Variants in NPHS1 observed in about 807,000 individuals in gnomAD.
NPHS1 encodes the protein nephrin.
NPHS1 carries 107 observed loss-of-function variants against 139.7 expected under a neutral mutation model. The ratio of observed to expected loss-of-function variants is 0.77; its 90% CI spans 0.66 to 0.90. The LOEUF is 0.90. NPHS1 is among the 40% of genes least tolerant of loss of function. The probability of loss-of-function intolerance (pLI) is 0.00; values close to 1 mark genes in which losing one functional copy is unlikely to be tolerated. For synonymous variants in NPHS1, 707 were observed against 706.6 expected (o/e 1.00, Z -0.01); for missense variants, 1,580 against 1,654.2 (o/e 0.96, Z 0.78).
In NPHS1 at chr19:35,845,420, G is replaced by T; in HGVS notation, c.1878C>A (p.His626Gln). 1 of 1,614,260 alleles carries T rather than the reference G, an allele frequency of 6.2e-7. No individual in the cohort carries two copies. Among genetic ancestry groups the T allele is most frequent in the Non-Finnish European group, 8.5e-7 (1 of 1,180,054 alleles). The change falls in exon 14 of 29, where the codon CAC becomes CAA. Residue 626 changes from histidine to glutamine, a missense_variant. His to Gln is a conservative substitution (Grantham distance 24). Coordinates refer to ENST00000378910, the MANE Select transcript of NPHS1 (RefSeq NM_004646.4). This position sits in a 1 kb window ranked among gnomAD's most constrained non-coding sequence, Gnocchi z 5.5. ...DHGQRVTCRA[H>Q]SAELRETVSS... ...TCACGGTTTCGCGGAGCTCGGCGCT[G>T]TGGGCGCGGCAGGTCACGCGCTGGC...
chr19:35,844,267 C>A, intron 15 of NPHS1, 24 bp from the exon 16 acceptor site: 1 of 1,613,804 alleles, frequency 6.2e-7, no homozygotes, highest in Non-Finnish European at 8.5e-7. Flanking sequence ...GAATAAGGGA[C>A]CTGGCAGGAC....
intron 11 of NPHS1, among the ~76,000 whole-genome samples, chr19:35,846,676 TC>T (rs1973148030): frequency 2.6e-5 from 4 of 152,208 alleles, no homozygotes; most frequent in African/African-American, 7.2e-5. Flanking sequence ...ATAGATTACT[TC>T]CTTTTTTTAT....
At chr19:35,839,466 C>G in intron 21 of NPHS1, 30 bp downstream of exon 21, 1 of 1,613,622 alleles carries the variant, frequency 6.2e-7, no homozygotes, top group South Asian at 1.1e-5. Context: ...CTAGCCCATT[C>G]CCTTCCCTCC....
chr19:35,840,066 G>A (rs1053965044), intron 20 of NPHS1, among the ~76,000 whole-genome samples: 3 of 150,334 alleles, frequency 2.0e-5, no homozygotes, highest in African/African-American at 4.9e-5. Flanking sequence ...GTGTAGTGGT[G>A]CAATCTTGGC....
rs1294423014 is a variant in NPHS1, at chr19:35,839,407, A to C, written c.2939T>G (p.Leu980Arg). ...CACATAGTGGAACCCTGGAGTCCCCAGGGCCTCATACCTGCAGGACAGGGG... is the reference window on the plus strand; with the variant it reads ...CACATAGTGGAACCCTGGAGTCCCCCGGGCCTCATACCTGCAGGACAGGGG... ...PQRFCIRYEA[L>R]GTPGFHYVDV... Residue 980 changes from leucine (L) to arginine (R), a missense_variant, in exon 22 of 29, where the codon CTG becomes CGG. Transcript: ENST00000378910. 1 of 1,614,148 alleles carries C rather than the reference A, an allele frequency of 6.2e-7. No individual in the cohort carries two copies. Among genetic ancestry groups the C allele is most frequent in the Non-Finnish European group, 8.5e-7 (1 of 1,179,986 alleles).
Position 35,845,251 on chromosome 19 carries a change from CA to C in NPHS1, c.1930+116del. ...CGTCACTGCATTGCAGCCTGAGCGA[CA>C]AAAAATGAAAGAGAGAGAGAGAGAG... On this transcript the variant is annotated intron_variant, in intron 14 of 28. Transcript: ENST00000378910. This position sits in a 1 kb window ranked among gnomAD's most constrained non-coding sequence, Gnocchi z 5.5. 1 of 1,245,188 alleles carries C rather than the reference CA, an allele frequency of 8.0e-7. No individual in the cohort carries two copies. The highest frequency in any genetic ancestry group is 1.2e-6 in the Non-Finnish European group (1 of 868,522). 77.1% of individuals were successfully genotyped at this position (1,245,188 alleles called of 1,614,324 possible).
In NPHS1 at chr19:35,851,877, C is replaced by T. The variant is rs773411081; in HGVS notation, c.-40G>A. On this transcript the variant is annotated 5_prime_UTR_variant, in exon 1 of 29. Coordinates refer to ENST00000378910, the MANE Select transcript of NPHS1 (RefSeq NM_004646.4). ...CTGTGACCCCCACAGCGCCCGCTGCCAGCCACCTGCGTCTGTCTGGCTTTC... is the reference window on the plus strand; with the variant it reads ...CTGTGACCCCCACAGCGCCCGCTGCTAGCCACCTGCGTCTGTCTGGCTTTC... 27 of 1,534,088 alleles carry T rather than the reference C, an allele frequency of 1.8e-5. No individual in the cohort carries two copies. Among genetic ancestry groups the T allele is most frequent in the Non-Finnish European group, 1.8e-6 (2 of 1,132,646 alleles).
Position 35,841,802 on chromosome 19 carries a change from A to G in NPHS1, c.2728T>C (p.Ser910Pro), listed in dbSNP as rs143649022. The G allele has an allele frequency of 4.3e-6, 7 of 1,614,038 alleles. No homozygotes were observed. In the African/African-American group the frequency reaches 8.0e-5, roughly 18 times the overall value. ...HSSLLTIANV[S>P]AAQDYALFTC... is the part of the protein sequence containing the mutation. ...AAGAGGGCGTAATCCTGGGCGGCAG[A>G]CACGTTGGCAATGGTCAGGAGGCTG... The change falls in exon 20 of 29, where the codon TCT (serine) becomes CCT (proline). Residue 910 changes from serine (S) to proline (P), a missense_variant. Physicochemically the swap from Ser to Pro is moderately conservative, Grantham distance 74. Coordinates refer to ENST00000378910, the MANE Select transcript of NPHS1 (RefSeq NM_004646.4).
At position 35,848,171 on chromosome 19, in the gene NPHS1, G is replaced by A. The variant is rs756437220; in HGVS notation, c.1316-6C>T. 56 of 1,613,914 alleles carry A rather than the reference G, an allele frequency of 3.5e-5. No individual in the cohort carries two copies. The Middle Eastern group carries it at 4.9e-4, about 14-fold the overall frequency. ...CCACAGTTTCTGGGCGGGATCTGGC[G>A]GGGAGAGGAAGGAAGAATGACTTTT... is the stretch of plus-strand genomic sequence containing the variant. On this transcript the variant is annotated splice_region_variant and splice_polypyrimidine_tract_variant and intron_variant, in intron 10 of 28. Coordinates refer to ENST00000378910, the MANE Select transcript of NPHS1 (RefSeq NM_004646.4).
intron 11 of NPHS1, among the ~76,000 whole-genome samples, chr19:35,847,132 G>A (rs1403511758): frequency 4.6e-5 from 7 of 151,920 alleles, no homozygotes; most frequent in East Asian, 3.9e-4. Flanking sequence ...TGCAAGCTCC[G>A]CCTCCCGGGT....
At chr19:35,850,248 A>G in intron 5 of NPHS1, 116 bp downstream of exon 5, 1 of 802,516 alleles carries the variant, frequency 1.2e-6, no homozygotes, top group Non-Finnish European at 2.2e-6. Flanking sequence ...CAGGATGAAG[A>G]ATTGGGTCCC....
chr19:35,832,027 C>T (rs1021133548), intron 23 of NPHS1, among the ~76,000 whole-genome samples: 1 of 152,208 alleles, frequency 6.6e-6, no homozygotes, highest in Non-Finnish European at 1.5e-5. Context: ...AGCTTCAGCT[C>T]GTTAGCTGGG....
chr19:35,831,710 C>T lies in NPHS1; in HGVS notation c.3219G>A (p.Leu1073=). 6.3e-7 allele frequency: 1 copy of T among 1,597,866 alleles called. No individual in the cohort carries two copies. The highest frequency in any genetic ancestry group is 8.5e-7 in the Non-Finnish European group (1 of 1,172,608). ...LPVLFALGGL[L]LLSNASCVGG... ...CGACACAGGAGGCATTGGAGAGGAG[C>T]AGAAGCCCCCCAAGAGCGAACAGCA... The change falls in exon 24 of 29, where the codon CTG becomes CTA. Residue 1073 remains leucine, a synonymous_variant. Coordinates refer to ENST00000378910, the MANE Select transcript of NPHS1 (RefSeq NM_004646.4).
Position 35,851,006 on chromosome 19 carries a change from C to A in NPHS1, c.481G>T (p.Val161Leu). Reference protein sequence around the residue: ...VAGQEYVVNCVSGDAKPAPDI... With the variant: ...VAGQEYVVNCLSGDAKPAPDI... Reference sequence around the variant, plus strand: ...GGTGCTGGCTTCGCGTCCCCAGACACACAGTTGACCACGTACTCCTGCCCA... The same window carrying A: ...GGTGCTGGCTTCGCGTCCCCAGACAAACAGTTGACCACGTACTCCTGCCCA... The change falls in exon 4 of 29, where the codon GTG becomes TTG. Residue 161 changes from valine (V) to leucine (L), a missense_variant. Physicochemically the swap from Val to Leu is conservative, Grantham distance 32 (BLOSUM62 1). Coordinates refer to ENST00000378910, the MANE Select transcript of NPHS1 (RefSeq NM_004646.4). 1 of 1,614,170 alleles carries A rather than the reference C, an allele frequency of 6.2e-7. No homozygotes were observed. Among genetic ancestry groups the A allele is most frequent in the Non-Finnish European group, 8.5e-7 (1 of 1,180,026 alleles).
At chr19:35,838,209 A>G (rs2146815184) in intron 22 of NPHS1, among the ~76,000 whole-genome samples, 1 of 151,654 alleles carries the variant, frequency 6.6e-6, no homozygotes, top group South Asian at 2.1e-4. Flanking sequence ...GCACCATTGC[A>G]CTCCACCCTG....
In NPHS1 at chr19:35,842,014, T is replaced by A. The variant is rs560018044; in HGVS notation, c.2663+110A>T. ...TTCATCCACTCAACCATTCACTCAC[T>A]CATTCCTCCACCCATTCGTCTTCCT... On this transcript the variant is annotated intron_variant, in intron 19 of 28. Transcript: ENST00000378910. 3.2e-5 allele frequency: 46 copies of A among 1,417,712 alleles called. No homozygotes were observed. In the African/African-American group the frequency reaches 4.1e-4, roughly 13 times the overall value. The allele number at this position is 1,417,712 out of a possible 1,614,324, so 87.8% of individuals were successfully genotyped here. A position where few individuals can be genotyped will look rare whatever the true frequency, so the allele number is the denominator to read the frequency against.
Position 35,851,941 on chromosome 19 carries a change from CT to C in NPHS1, c.-105del, listed in dbSNP as rs977779487. 4.2e-6 allele frequency: 4 copies of C among 941,400 alleles called. No homozygotes were observed. The African/African-American group carries it at 6.6e-5, about 15-fold the overall frequency. 58.3% of individuals were successfully genotyped at this position (941,400 alleles called of 1,614,324 possible). A position where few individuals can be genotyped will look rare whatever the true frequency, so the allele number is the denominator to read the frequency against. On this transcript the variant is annotated 5_prime_UTR_variant, in exon 1 of 29. Transcript: ENST00000378910. The stretch of plus-strand genomic sequence containing the variant: ...CTGTGTGTCTCTGCCACCTGCTTTT[CT>C]TTTTTATCTCTTTCCGTTACTCTCC...
At chr19:35,850,316 T>G in intron 5 of NPHS1, 48 bp downstream of exon 5, 6 of 1,472,978 alleles carry the variant, frequency 4.1e-6, no homozygotes, top group Non-Finnish European at 4.8e-6. Context: ...GGGGTTCCCA[T>G]GGGGAAAATT....
At chr19:35,851,138 G>A (rs1973241560) in intron 3 of NPHS1, 49 bp from the exon 4 acceptor site, 1 of 1,613,918 alleles carries the variant, frequency 6.2e-7, no homozygotes, top group Non-Finnish European at 8.5e-7. Flanking sequence ...AGAAGGACTT[G>A]AAGATTGGAG....
Sources: allele counts gnomAD v4.1 joint callset (sites outside exome capture counted in the v4.1 genomes callset), GRCh38; gene constraint gnomAD v4.1.1; non-coding constraint Gnocchi (gnomAD v3.1); transcripts MANE v1.5; gene names NCBI Gene and HGNC (gene_info 2026-07-23, HGNC 2026-07-21).